The following KCNT2 variants were observed in gnomAD, a reference collection of about 807,000 sequenced individuals.
The protein encoded by KCNT2 is potassium channel subfamily T member 2.
KCNT2 carries 67 observed loss-of-function variants against 153.8 expected under a neutral mutation model. That is an observed-to-expected ratio of 0.44 (90% confidence interval 0.36 to 0.53). KCNT2 has a LOEUF of 0.53. KCNT2 is among the 20% of genes least tolerant of loss of function. KCNT2 has a pLI of 0.00. For synonymous variants in KCNT2, 500 were observed against 458.8 expected (o/e 1.09, Z -1.15); for missense variants, 975 against 1,354.8 (o/e 0.72, Z 4.40).
chr1:196,436,152 AC>A (rs1382804388), intron 8 of KCNT2, among the ~76,000 whole-genome samples: 1 of 151,248 alleles, frequency 6.6e-6, no homozygotes, highest in East Asian at 1.9e-4. Context: ...ATTTTCTGAT[AC>A]CCATTATAGA....
At chr1:196,580,417 A>C (rs546627045) in intron 1 of KCNT2, among the ~76,000 whole-genome samples, 4 of 152,226 alleles carry the variant, frequency 2.6e-5, no homozygotes, top group African/African-American at 9.6e-5. Context: ...CATAACCTGG[A>C]CCTTCCCCAC....
intron 1 of KCNT2, among the ~76,000 whole-genome samples, chr1:196,597,371 CTT>C (rs765766349): frequency 4.1e-5 from 6 of 145,308 alleles, no homozygotes; most frequent in African/African-American, 7.5e-5. Flanking sequence ...ACCTCACGTA[CTT>C]TTTTTTTTTT....
chr1:196,257,220 C>T (rs1034205209), intron 26 of KCNT2: 2 of 984,214 alleles, frequency 2.0e-6, no homozygotes, highest in Non-Finnish European at 2.4e-6. Flanking sequence ...CCTGGAGTAG[C>T]ACACATAGCA....
At chr1:196,423,736 C>A (rs1166871574) in intron 11 of KCNT2, among the ~76,000 whole-genome samples, 28 of 149,098 alleles carry the variant, frequency 1.9e-4, no homozygotes, top group East Asian at 4.0e-4. Context: ...AAATATTTTC[C>A]AAAAAAAAAA....
At chr1:196,449,680 A>AT (rs1481717865) in intron 8 of KCNT2, among the ~76,000 whole-genome samples, 3 of 151,632 alleles carry the variant, frequency 2.0e-5, no homozygotes, top group Non-Finnish European at 4.4e-5. Context: ...TAATTTAGAC[A>AT]ATGTACTAAT....
chr1:196,424,998 A>G (rs1329946374), intron 11 of KCNT2, among the ~76,000 whole-genome samples: 1 of 152,016 alleles, frequency 6.6e-6, no homozygotes, highest in African/African-American at 2.4e-5. Flanking sequence ...ATGCTATTCA[A>G]TTCAGTGGGA....
chr1:196,502,899 A>G (rs185177889), intron 1 of KCNT2, among the ~76,000 whole-genome samples: 1 of 152,202 alleles, frequency 6.6e-6, no homozygotes, highest in Admixed American at 6.5e-5. Context: ...GAATAATTAT[A>G]AAGGTATATT....
intron 12 of KCNT2, 97 bp from the exon 13 acceptor site, chr1:196,398,768 G>A (rs1364899157): frequency 1.7e-6 from 1 of 600,092 alleles, no homozygotes; most frequent in Non-Finnish European, 2.9e-6. Context: ...CACATCCATA[G>A]TTAAAACTTA....
rs1021087323 is a variant in KCNT2 at position 196,227,877 on chromosome 1, C to G, written c.*347G>C. 5.8e-6 allele frequency: 1 copy of G among 171,832 alleles called. No homozygotes were observed. Among genetic ancestry groups the G allele is most frequent in the African/African-American group, 2.4e-5 (1 of 41,732 alleles). The allele number at this position is 171,832 out of a possible 1,614,324, so 10.6% of individuals were successfully genotyped here. ...GCAGCATTCTGTGTCCATTGTGATG[C>G]ACCAAATATAGTTAGATTTTGTCAA... On this transcript the variant is annotated 3_prime_UTR_variant, in exon 28 of 28. Coordinates refer to ENST00000294725, the MANE Select transcript of KCNT2 (RefSeq NM_198503.5).
intron 22 of KCNT2, among the ~76,000 whole-genome samples, chr1:196,293,859 C>CAA (rs571759690): frequency 4.3e-5 from 5 of 115,232 alleles, no homozygotes; most frequent in East Asian, 2.9e-4. Context: ...TCTGCACAGT[C>CAA]AAAAAAAAAA....
At chr1:196,465,255 A>T in intron 8 of KCNT2, 38 bp downstream of exon 8, 1 of 1,072,376 alleles carries the variant, frequency 9.3e-7, no homozygotes, top group Non-Finnish European at 1.4e-6. Context: ...TTATAATTAA[A>T]TGAAACATAA....
intron 26 of KCNT2, chr1:196,257,409 G>C: frequency 1.0e-6 from 1 of 970,264 alleles, no homozygotes; most frequent in Non-Finnish European, 1.2e-6. Context: ...CCTTCTATTT[G>C]ATTCTTAACT....
chr1:196,320,232 A>T (rs190361718), intron 19 of KCNT2, among the ~76,000 whole-genome samples: 165 of 151,912 alleles, frequency 1.1e-3, no homozygotes, highest in Non-Finnish European at 2.0e-3. Flanking sequence ...GCTTCCTTAG[A>T]AACTGCTTAA....
chr1:196,370,545 T>TTAA (rs1668434789), intron 14 of KCNT2, among the ~76,000 whole-genome samples: 1 of 151,312 alleles, frequency 6.6e-6, no homozygotes, highest in Non-Finnish European at 1.5e-5. Flanking sequence ...ATGGTTATGA[T>TTAA]AAAAAAAAGC....
intron 1 of KCNT2, among the ~76,000 whole-genome samples, chr1:196,579,438 T>A (rs186649392): frequency 6.6e-6 from 1 of 152,118 alleles, no homozygotes; most frequent in East Asian, 1.9e-4. Context: ...CAAGTTTACC[T>A]ATGTGACAAA....
At chr1:196,409,234 A>G (rs1335358226) in intron 12 of KCNT2, among the ~76,000 whole-genome samples, 1 of 150,918 alleles carries the variant, frequency 6.6e-6, no homozygotes. Flanking sequence ...TTATTTTTCT[A>G]TTTATCCCAT....
At chr1:196,395,322 A>T (rs1038084928) in intron 13 of KCNT2, among the ~76,000 whole-genome samples, 1 of 151,610 alleles carries the variant, frequency 6.6e-6, no homozygotes, top group African/African-American at 2.4e-5. Context: ...AAATGTGTGT[A>T]AGCTCAGAAT....
intron 8 of KCNT2, among the ~76,000 whole-genome samples, chr1:196,452,452 T>C (rs988517943): frequency 6.6e-6 from 1 of 151,992 alleles, no homozygotes; most frequent in African/African-American, 2.4e-5. Context: ...CTAACTCTCC[T>C]ATATGGTCTC....
At chr1:196,384,553 T>G (rs888761488) in intron 13 of KCNT2, among the ~76,000 whole-genome samples, 4 of 151,788 alleles carry the variant, frequency 2.6e-5, no homozygotes, top group Non-Finnish European at 5.9e-5. Flanking sequence ...AAAAATTAGC[T>G]GGGCATGGTG....
Sources: allele counts gnomAD v4.1 joint callset (sites outside exome capture counted in the v4.1 genomes callset), GRCh38; gene constraint gnomAD v4.1.1; transcripts MANE v1.5; gene names NCBI Gene and HGNC (gene_info 2026-07-23, HGNC 2026-07-21).